The following GRIP1 variants were observed in gnomAD, a reference collection of about 807,000 sequenced individuals.
GRIP1 encodes glutamate receptor-interacting protein 1.
A neutral mutation model predicts 129.9 loss-of-function variants in GRIP1; 45 were observed. That is an observed-to-expected ratio of 0.35 (90% CI 0.27 to 0.44). The LOEUF (loss-of-function observed/expected upper bound fraction) is 0.44, where lower values mean the gene tolerates loss of function less well. GRIP1 is among the 20% of genes least tolerant of loss of function. GRIP1 has a pLI of 1.00. For missense variants in GRIP1, 1,196 were observed against 1,396.8 expected, an observed-to-expected ratio of 0.86 and a Z score of 2.29; for synonymous variants, 530 against 520.8, an observed-to-expected ratio of 1.02 and a Z score of -0.24.
intron 4 of GRIP1, 44 bp from the exon 5 acceptor site, chr12:66,529,958 C>T (rs1189580157): frequency 8.6e-6 from 10 of 1,163,384 alleles, no homozygotes; most frequent in Admixed American, 1.7e-5. Context: ...TGTAAGTCAT[C>T]ATAACATTTC....
intron 7 of GRIP1, 78 bp from the exon 8 acceptor site, chr12:66,465,500 T>C: frequency 7.7e-6 from 9 of 1,170,628 alleles, no homozygotes; most frequent in Middle Eastern, 1.9e-4. Context: ...ATGAAGAATA[T>C]TCAGTTTGGT....
At chr12:66,691,232 T>G (rs538467378) in intron 1 of GRIP1, among the ~76,000 whole-genome samples, 3 of 152,328 alleles carry the variant, frequency 2.0e-5, no homozygotes, top group African/African-American at 7.2e-5. Flanking sequence ...AGGTTTTTCT[T>G]TAAGGAATGT....
At chr12:66,799,233 C>T (rs1045210212) in intron 1 of GRIP1, among the ~76,000 whole-genome samples, 10 of 152,098 alleles carry the variant, frequency 6.6e-5, no homozygotes, top group African/African-American at 2.4e-4. Context: ...AATAACCAGC[C>T]CATGGAACAT....
intron 1 of GRIP1, among the ~76,000 whole-genome samples, chr12:66,717,294 C>T (rs1422657314): frequency 6.6e-6 from 1 of 151,746 alleles, no homozygotes; most frequent in Non-Finnish European, 1.5e-5. Context: ...AAAGAAAATG[C>T]TTGCTTTATG....
In GRIP1 at chr12:66,654,785, T is replaced by C. The variant is rs550546668; in HGVS notation, c.55+24065A>G. Among the ~76,000 whole-genome samples, 3 of 152,190 alleles carry C rather than the reference T, an allele frequency of 2.0e-5. No homozygotes were observed. The East Asian group carries it at 5.8e-4, about 29-fold the overall frequency. ...TATGTACAATAAAGATGGAAAGAGA[T>C]GTTTTAAAGGTAGAATTCATAAGGA... On this transcript the variant is annotated intron_variant, in intron 1 of 24. Transcript: ENST00000359742.
chr12:66,921,151 G>A (rs2041206410), intron 1 of GRIP1, among the ~76,000 whole-genome samples: 1 of 152,328 alleles, frequency 6.6e-6, no homozygotes, highest in Non-Finnish European at 1.5e-5. Flanking sequence ...GATGACTTCA[G>A]AAGCCCTTCA....
At chr12:66,877,891 C>G (rs192610135) in intron 1 of GRIP1, among the ~76,000 whole-genome samples, 1 of 151,948 alleles carries the variant, frequency 6.6e-6, no homozygotes, top group Non-Finnish European at 1.5e-5. Flanking sequence ...AGAAGTGATG[C>G]GGAATTAAAA....
At chr12:66,613,412 T>G (rs1424072191) in intron 1 of GRIP1, among the ~76,000 whole-genome samples, 3 of 152,310 alleles carry the variant, frequency 2.0e-5, no homozygotes, top group African/African-American at 7.2e-5. Flanking sequence ...TGAGATGTAC[T>G]TTCTGTCTAG....
Position 66,377,267 on chromosome 12 carries a change from A to C in GRIP1, c.2640T>G (p.Asp880Glu), listed in dbSNP as rs775421850. The change falls in exon 21 of 25, where the codon GAT becomes GAG. Residue 880 changes from aspartate (D) to glutamate (E), a missense_variant. By Grantham distance (45) the Asp-to-Glu change is conservative. This residue lies in a region of GRIP1 where 427 missense variants were observed against 463.3 expected (regional missense o/e 0.92). Transcript: ENST00000359742. ...STASGFAGAA[D>E]SAETEQEENF... ...TCTCCTCTTGTTCTGTCTCTGCACTATCGGCAGCCCCTGCAAAACTGTTGT... is the reference window on the plus strand; with the variant it reads ...TCTCCTCTTGTTCTGTCTCTGCACTCTCGGCAGCCCCTGCAAAACTGTTGT... 3.7e-6 allele frequency: 6 copies of C among 1,612,072 alleles called. No individual in the cohort carries two copies. The South Asian group carries it at 6.6e-5, about 18-fold the overall frequency.
intron 9 of GRIP1, among the ~76,000 whole-genome samples, chr12:66,461,889 A>C (rs1428638741): frequency 6.6e-6 from 1 of 152,198 alleles, no homozygotes; most frequent in Non-Finnish European, 1.5e-5. Flanking sequence ...CCACCCTGAC[A>C]ATACTAGTGA....
At chr12:67,029,273 T>C (rs920627318) in intron 1 of GRIP1, among the ~76,000 whole-genome samples, 1 of 151,962 alleles carries the variant, frequency 6.6e-6, no homozygotes, top group African/African-American at 2.4e-5. Context: ...TGGAGTCATG[T>C]TGTTGTTGTT....
chr12:66,564,562 T>A (rs1424752872), intron 2 of GRIP1, among the ~76,000 whole-genome samples: 2 of 152,204 alleles, frequency 1.3e-5, no homozygotes, highest in Admixed American at 1.3e-4. Flanking sequence ...GTCTTTGCTA[T>A]CGTGAATAGT....
intron 1 of GRIP1, among the ~76,000 whole-genome samples, chr12:66,865,406 C>T (rs1474690439): frequency 6.6e-6 from 1 of 151,408 alleles, no homozygotes; most frequent in African/African-American, 2.4e-5. Flanking sequence ...GAGGAAAACG[C>T]TTTCCTTAAG....
chr12:66,984,185 GC>G lies in GRIP1; in HGVS notation c.58+84864del, dbSNP rs554289570. Among the ~76,000 whole-genome samples, 9 of 152,232 alleles carry G rather than the reference GC, an allele frequency of 5.9e-5. No individual in the cohort carries two copies. The South Asian group carries it at 1.7e-3, about 28-fold the overall frequency. Reference sequence around the variant, plus strand: ...AATACATAGTTATAATGAGCCTACAGCAAAACCTAGACATCCCAGCAACTGC... The same window carrying G: ...AATACATAGTTATAATGAGCCTACAGAAAACCTAGACATCCCAGCAACTGC... On this transcript the variant is annotated intron_variant, in intron 1 of 1. Coordinates refer to the GRIP1 transcript ENST00000643019.
At chr12:66,400,119 C>T (rs1396755247) in intron 16 of GRIP1, among the ~76,000 whole-genome samples, 1 of 151,842 alleles carries the variant, frequency 6.6e-6, no homozygotes, top group African/African-American at 2.4e-5. Context: ...TTGGCATCAT[C>T]TGCAAACTTG....
chr12:66,596,768 C>A, intron 2 of GRIP1, 79 bp downstream of exon 2: 1 of 812,476 alleles, frequency 1.2e-6, no homozygotes, highest in Non-Finnish European at 2.2e-6. Context: ...TTATTTTTAC[C>A]AAGTTGGAAT....
chr12:66,787,934 T>C (rs1230648281), intron 1 of GRIP1, among the ~76,000 whole-genome samples: 3 of 152,088 alleles, frequency 2.0e-5, no homozygotes, highest in Admixed American at 6.6e-5. Flanking sequence ...CTTATTGTGG[T>C]CACAGCACCT....
At chr12:66,919,688 C>A (rs537246224) in intron 1 of GRIP1, among the ~76,000 whole-genome samples, 1 of 152,184 alleles carries the variant, frequency 6.6e-6, no homozygotes, top group East Asian at 1.9e-4. Flanking sequence ...ATAATTACCT[C>A]AATTATCCAT....
At chr12:66,835,334 A>C (rs1019167671) in intron 1 of GRIP1, among the ~76,000 whole-genome samples, 2 of 152,238 alleles carry the variant, frequency 1.3e-5, no homozygotes, top group African/African-American at 4.8e-5. Context: ...CATTAGTATG[A>C]AAAAAAGTTG....
Sources: allele counts gnomAD v4.1 joint callset (sites outside exome capture counted in the v4.1 genomes callset), GRCh38; gene constraint gnomAD v4.1.1; regional missense constraint gnomAD v4.1.1; transcripts MANE v1.5; gene names NCBI Gene and HGNC (gene_info 2026-07-23, HGNC 2026-07-21).